DLGAP2: variants seen among roughly 807,000 people sequenced by gnomAD.
DLGAP2 encodes the protein disks large-associated protein 2.
DLGAP2 carries 26 observed loss-of-function variants against 100.3 expected under a neutral mutation model. The observed-to-expected ratio is 0.26, with a 90% CI of 0.19 to 0.36. The LOEUF (loss-of-function observed/expected upper bound fraction) is 0.36. Among genes scored for constraint, DLGAP2 ranks in the 10% least tolerant of loss-of-function variants. The pLI, the probability that DLGAP2 is intolerant of heterozygous loss-of-function variation, is 1.00. For synonymous variants in DLGAP2, 886 were observed against 630.1 expected (o/e 1.41, Z -6.08); for missense variants, 1,858 against 1,453.2 (o/e 1.28, Z -4.53).
intron 12 of DLGAP2, among the ~76,000 whole-genome samples, chr8:1,683,884 G>GTATACATATATA (rs1423159250): frequency 1.8e-5 from 2 of 108,348 alleles, no homozygotes; most frequent in Admixed American, 9.8e-5. Flanking sequence ...GTGTGTGTGT[G>GTATACATATATA]TGTGTGTGTG....
At chr8:1,622,586 G>C (rs1008551324) in intron 6 of DLGAP2, among the ~76,000 whole-genome samples, 10 of 152,226 alleles carry the variant, frequency 6.6e-5, no homozygotes, top group African/African-American at 1.9e-4. Context: ...CTGCAGTTCT[G>C]TCTTGGGGTT....
intron 1 of DLGAP2, among the ~76,000 whole-genome samples, chr8:846,084 A>G (rs749731948): frequency 6.6e-6 from 1 of 152,242 alleles, no homozygotes; most frequent in African/African-American, 2.4e-5. Flanking sequence ...TAATGGGTAA[A>G]TAAGGGCAGT....
chr8:1,521,816 C>A (rs1269060022), intron 4 of DLGAP2, among the ~76,000 whole-genome samples: 1 of 143,250 alleles, frequency 7.0e-6, no homozygotes, highest in African/African-American at 2.6e-5. Context: ...ATCTGGTTTG[C>A]ACACTTGTTT....
At chr8:747,424 A>C (rs1820651951) in intron 1 of DLGAP2, among the ~76,000 whole-genome samples, 1 of 151,690 alleles carries the variant, frequency 6.6e-6, no homozygotes, top group Non-Finnish European at 1.5e-5. Flanking sequence ...TTTGGTCCCA[A>C]GTTCCAGAAA....
At chr8:1,701,082 G>A in intron 14 of DLGAP2, 106 bp from the exon 15 acceptor site, 1 of 1,031,998 alleles carries the variant, frequency 9.7e-7, no homozygotes, top group Non-Finnish European at 1.4e-6. Context: ...CGGCCCTGGG[G>A]GCTGCGGTCG....
chr8:1,633,231 C>A (rs143603134), intron 8 of DLGAP2, among the ~76,000 whole-genome samples, 185 bp downstream of exon 8: 2 of 152,120 alleles, frequency 1.3e-5, no homozygotes, highest in East Asian at 1.9e-4. Flanking sequence ...TGTAGATAAC[C>A]TTTCTTTTTC....
intron 2 of DLGAP2, among the ~76,000 whole-genome samples, chr8:1,169,504 C>G (rs1260545457): frequency 2.6e-5 from 4 of 152,190 alleles, no homozygotes; most frequent in African/African-American, 4.8e-5. Context: ...TTGATTCTTC[C>G]TATCCATGAG....
At chr8:1,651,988 A>ATTT (rs2130810965) in intron 8 of DLGAP2, among the ~76,000 whole-genome samples, 1 of 152,256 alleles carries the variant, frequency 6.6e-6, no homozygotes, top group South Asian at 2.1e-4. Flanking sequence ...AGGCACCTAC[A>ATTT]CAGCTCGTTT....
intron 2 of DLGAP2, among the ~76,000 whole-genome samples, chr8:1,141,735 C>A (rs948035134): frequency 2.0e-5 from 3 of 151,956 alleles, no homozygotes; most frequent in African/African-American, 7.3e-5. Flanking sequence ...TCATAGTCTT[C>A]AAGAATATTT....
At chr8:885,035 C>G (rs1584861504) in intron 1 of DLGAP2, among the ~76,000 whole-genome samples, 1 of 152,110 alleles carries the variant, frequency 6.6e-6, no homozygotes, top group African/African-American at 2.4e-5. Context: ...GTTACTGTAG[C>G]CTTGTAGTAT....
intron 1 of DLGAP2, among the ~76,000 whole-genome samples, chr8:881,609 C>G (rs771739661): frequency 2.2e-5 from 3 of 137,946 alleles, no homozygotes; most frequent in Non-Finnish European, 4.7e-5. Flanking sequence ...AAGCAGTTCT[C>G]CTGCCTCAGC....
chr8:904,254 T>C (rs1156988307), intron 1 of DLGAP2, among the ~76,000 whole-genome samples: 2 of 152,132 alleles, frequency 1.3e-5, no homozygotes, highest in Admixed American at 1.3e-4. Context: ...GCGTGATGGC[T>C]CATGCCTGTA....
chr8:1,492,880 G>A (rs1431950322), intron 3 of DLGAP2, among the ~76,000 whole-genome samples: 1 of 152,126 alleles, frequency 6.6e-6, no homozygotes, highest in African/African-American at 2.4e-5. Context: ...TGAAAGACAG[G>A]CACCTCCACA....
intron 3 of DLGAP2, 142 bp from the exon 4 acceptor site, chr8:1,501,224 C>A: frequency 1.2e-6 from 1 of 856,994 alleles, no homozygotes; most frequent in Non-Finnish European, 1.8e-6. Flanking sequence ...ATGCTGGGCT[C>A]TGAGCGGTGA....
At chr8:1,410,716 C>T (rs1320787965) in intron 3 of DLGAP2, among the ~76,000 whole-genome samples, 4 of 152,300 alleles carry the variant, frequency 2.6e-5, no homozygotes, top group Admixed American at 1.3e-4. Flanking sequence ...TCAAACCCCA[C>T]GTCCAGGTCA....
chr8:814,273 A>T (rs1045797157), intron 1 of DLGAP2, among the ~76,000 whole-genome samples: 3 of 152,226 alleles, frequency 2.0e-5, no homozygotes, highest in African/African-American at 7.2e-5. Flanking sequence ...AGTGCATAAG[A>T]TCAAATGGAC....
intron 6 of DLGAP2, 70 bp downstream of exon 6, chr8:1,565,964 A>G (rs902328993): frequency 2.4e-5 from 33 of 1,363,812 alleles, no homozygotes; most frequent in Non-Finnish European, 3.2e-5. Context: ...CTCCAAAACC[A>G]CTTCACCGTG....
At chr8:1,595,260 G>T (rs1054080876) in intron 6 of DLGAP2, among the ~76,000 whole-genome samples, 4 of 151,756 alleles carry the variant, frequency 2.6e-5, no homozygotes, top group Admixed American at 2.6e-4. Context: ...AGGTTTTACG[G>T]GCTTTTTTTA....
At chr8:1,349,483 C>T (rs1398824991) in intron 3 of DLGAP2, among the ~76,000 whole-genome samples, 1 of 147,246 alleles carries the variant, frequency 6.8e-6, no homozygotes, top group Non-Finnish European at 1.5e-5. Flanking sequence ...TCATGAGCCT[C>T]CCGCCCACAT....
Sources: gnomAD v4.1 joint callset for allele counts (sites outside exome capture counted in the v4.1 genomes callset) on GRCh38, gnomAD v4.1.1 for gene constraint, MANE v1.5 for transcripts, NCBI Gene and HGNC (gene_info 2026-07-23, HGNC 2026-07-21) for gene names.